The following MACROD2 variants were observed in gnomAD, a reference collection of about 807,000 sequenced individuals.
MACROD2 encodes ADP-ribose glycohydrolase MACROD2.
Under a neutral mutation model 70.4 loss-of-function variants are expected in MACROD2, and 36 were observed. That is an observed-to-expected ratio of 0.51 (90% CI 0.39 to 0.68). MACROD2 has a LOEUF of 0.68. MACROD2 is among the 30% of genes least tolerant of loss of function. MACROD2 has a pLI of 0.00. For missense variants in MACROD2, 496 were observed against 538.4 expected (o/e 0.92, Z 0.78); for synonymous variants, 172 against 178.8 (o/e 0.96, Z 0.30).
intron 5 of MACROD2, among the ~76,000 whole-genome samples, chr20:14,954,151 A>G (rs1483505845): frequency 1.3e-5 from 2 of 152,094 alleles, no homozygotes; most frequent in African/African-American, 4.8e-5. Flanking sequence ...TTGATGTGTA[A>G]AAACAAGCTT....
chr20:14,667,128 G>A lies in MACROD2; in HGVS notation c.302-17715G>A, dbSNP rs1446605319. Among the ~76,000 whole-genome samples the A allele has an allele frequency of 2.0e-5, 3 of 152,050 alleles. No individual in the cohort carries two copies. In the East Asian group the frequency reaches 5.8e-4, roughly 29 times the overall value. ...CAAAGTAAAGCAGTGTGGCCAGAAT[G>A]CCTTATCGTAATGTAAATCTGTGTT... On this transcript the variant is annotated intron_variant, in intron 4 of 17. Coordinates refer to ENST00000684519, the MANE Select transcript of MACROD2 (RefSeq NM_001351661.2).
At chr20:14,035,630 G>T (rs1380525095) in intron 2 of MACROD2, among the ~76,000 whole-genome samples, 6 of 152,188 alleles carry the variant, frequency 3.9e-5, no homozygotes, top group African/African-American at 1.4e-4. Context: ...ACTGGGGCAT[G>T]ACTTCTGAGT....
At chr20:15,497,580 G>A (rs1334947641) in intron 7 of MACROD2, among the ~76,000 whole-genome samples, 1 of 152,080 alleles carries the variant, frequency 6.6e-6, no homozygotes, top group East Asian at 1.9e-4. Context: ...GTGAGCCACC[G>A]CACCTGGCCG....
At chr20:15,721,304 G>A (rs866330714) in intron 8 of MACROD2, among the ~76,000 whole-genome samples, 1 of 152,174 alleles carries the variant, frequency 6.6e-6, no homozygotes, top group Non-Finnish European at 1.5e-5. Context: ...CAATTGGCTT[G>A]TTACTCACAG....
intron 6 of MACROD2, among the ~76,000 whole-genome samples, chr20:15,295,798 G>GT (rs1243831843): frequency 1.3e-5 from 2 of 152,270 alleles, no homozygotes; most frequent in Admixed American, 6.5e-5. Flanking sequence ...AGAAAGAGCA[G>GT]ATAAGCTACA....
intron 6 of MACROD2, among the ~76,000 whole-genome samples, chr20:15,342,918 G>A (rs920145241): frequency 6.6e-6 from 1 of 152,132 alleles, no homozygotes; most frequent in East Asian, 1.9e-4. Flanking sequence ...GATTTCCACC[G>A]TATCACTTAA....
chr20:15,435,714 A>G (rs1568806377), intron 7 of MACROD2, among the ~76,000 whole-genome samples: 1 of 152,206 alleles, frequency 6.6e-6, no homozygotes, highest in Admixed American at 6.6e-5. Context: ...ACTAAAATCT[A>G]GAGTGGATCA....
chr20:14,082,500 C>T (rs1269048678), intron 2 of MACROD2, among the ~76,000 whole-genome samples: 1 of 151,910 alleles, frequency 6.6e-6, no homozygotes, highest in Non-Finnish European at 1.5e-5. Flanking sequence ...CCCTCCCATA[C>T]CTTTCTTTTA....
intron 5 of MACROD2, among the ~76,000 whole-genome samples, chr20:14,829,106 C>A (rs1487127978): frequency 6.6e-6 from 1 of 151,276 alleles, no homozygotes; most frequent in Non-Finnish European, 1.5e-5. Flanking sequence ...TGCTCCCCCG[C>A]CCCACAGTGT....
chr20:15,457,740 G>A (rs2046747608), intron 7 of MACROD2, among the ~76,000 whole-genome samples: 1 of 152,020 alleles, frequency 6.6e-6, no homozygotes, highest in Admixed American at 6.6e-5. Flanking sequence ...AGGACATAAT[G>A]CTCTAGTTGA....
intron 5 of MACROD2, among the ~76,000 whole-genome samples, chr20:14,910,707 A>G (rs1833944472): frequency 6.6e-6 from 1 of 152,118 alleles, no homozygotes; most frequent in African/African-American, 2.4e-5. Flanking sequence ...CTTTCTTTGC[A>G]TCTTGGAGAC....
intron 3 of MACROD2, among the ~76,000 whole-genome samples, chr20:14,253,774 T>A (rs937791543): frequency 6.6e-6 from 1 of 152,122 alleles, no homozygotes; most frequent in Admixed American, 6.6e-5. Flanking sequence ...TCTTTGAACT[T>A]CATAGGCCGT....
At chr20:15,762,958 A>G (rs1341147715) in intron 8 of MACROD2, among the ~76,000 whole-genome samples, 3 of 152,240 alleles carry the variant, frequency 2.0e-5, no homozygotes, top group Non-Finnish European at 2.9e-5. Flanking sequence ...TTACATCCAG[A>G]TAACCATTTG....
chr20:15,120,838 T>C (rs1322370542), intron 5 of MACROD2, among the ~76,000 whole-genome samples: 1 of 152,164 alleles, frequency 6.6e-6, no homozygotes, highest in African/African-American at 2.4e-5. Flanking sequence ...TAGTGAACTT[T>C]CTTCAGACCA....
rs763227898 is a variant in MACROD2, at chr20:15,686,940, C to CA, written c.646-175793dup. Among the ~76,000 whole-genome samples the CA allele has an allele frequency of 3.1e-3, 408 of 129,552 alleles. 3 individuals carry two copies. The highest frequency in any genetic ancestry group is 8.8e-3 in the African/African-American group (312 of 35,606). 85.0% of individuals were successfully genotyped at this position (129,552 alleles called of 152,430 possible). On this transcript the variant is annotated intron_variant, in intron 8 of 17. Transcript: ENST00000684519. The stretch of plus-strand genomic sequence containing the variant: ...TAATTGACAGGACAAGACCCTGTCT[C>CA]AAAAAAAAAAAATCACCAAGGAACT...
chr20:14,738,758 A>C (rs2071698952), intron 5 of MACROD2, among the ~76,000 whole-genome samples: 1 of 151,884 alleles, frequency 6.6e-6, no homozygotes, highest in South Asian at 2.1e-4. Context: ...ATTTCCAAAT[A>C]ATTTTAAACA....
intron 4 of MACROD2, among the ~76,000 whole-genome samples, chr20:14,553,812 C>G (rs149163648): frequency 3.9e-5 from 6 of 152,210 alleles, no homozygotes; most frequent in Admixed American, 6.5e-5. Flanking sequence ...TGAGGTAGGA[C>G]CTGGTCCAAT....
intron 3 of MACROD2, among the ~76,000 whole-genome samples, chr20:14,166,099 A>G (rs1485466609): frequency 6.6e-6 from 1 of 152,212 alleles, no homozygotes; most frequent in Non-Finnish European, 1.5e-5. Flanking sequence ...ATGATTTATC[A>G]TAAGTAAATG....
At chr20:14,682,581 C>G (rs2070946782) in intron 4 of MACROD2, among the ~76,000 whole-genome samples, 1 of 151,922 alleles carries the variant, frequency 6.6e-6, no homozygotes, top group Non-Finnish European at 1.5e-5. Context: ...GGCATTTTCA[C>G]TGAGAAATCT....
Sources: allele counts gnomAD v4.1 joint callset (sites outside exome capture counted in the v4.1 genomes callset), GRCh38; gene constraint gnomAD v4.1.1; transcripts MANE v1.5; gene names NCBI Gene and HGNC (gene_info 2026-07-23, HGNC 2026-07-21).